Variants in ESRRG observed in about 807,000 individuals in gnomAD.
ESRRG encodes estrogen-related receptor gamma.
ESRRG carries 13 observed loss-of-function variants against 44.0 expected under a neutral mutation model. The observed-to-expected ratio is 0.30, with a 90% CI of 0.19 to 0.47. ESRRG has a LOEUF of 0.47. Ranked by LOEUF, ESRRG falls within the 20% of genes least tolerant of loss-of-function variation. The pLI is 1.00. For missense variants in ESRRG, 395 were observed against 580.6 expected (o/e 0.68, Z 3.29); for synonymous variants, 215 against 214.6 (o/e 1.00, Z -0.02).
intron 2 of ESRRG, among the ~76,000 whole-genome samples, chr1:216,883,751 C>CT (rs1287207595): frequency 1.3e-5 from 2 of 152,164 alleles, no homozygotes; most frequent in African/African-American, 4.8e-5. Context: ...AGGGGCATGC[C>CT]TGTAAGAGCA....
intron 1 of ESRRG, among the ~76,000 whole-genome samples, chr1:217,066,057 C>T (rs567539970): frequency 3.9e-5 from 6 of 152,312 alleles, no homozygotes; most frequent in Non-Finnish European, 8.8e-5. Context: ...TGGACAGTCA[C>T]TCTGAACAGT....
At chr1:216,967,933 A>G (rs2070804417) in intron 1 of ESRRG, among the ~76,000 whole-genome samples, 1 of 152,202 alleles carries the variant, frequency 6.6e-6, no homozygotes, top group Non-Finnish European at 1.5e-5. Flanking sequence ...GATTTTGGCC[A>G]TTCAAATAAG....
intron 1 of ESRRG, among the ~76,000 whole-genome samples, chr1:217,076,242 C>G (rs1048212924): frequency 9.9e-5 from 15 of 152,274 alleles, no homozygotes; most frequent in African/African-American, 2.9e-4. Flanking sequence ...TGCATGCATG[C>G]TGTGTACTGA....
chr1:217,023,009 C>T (rs1292367454), intron 1 of ESRRG, among the ~76,000 whole-genome samples: 1 of 152,128 alleles, frequency 6.6e-6, no homozygotes, highest in Non-Finnish European at 1.5e-5. Context: ...GAAAACTAAT[C>T]TAGTGTAGAG....
chr1:216,565,684 A>G (rs1018203672), intron 4 of ESRRG, among the ~76,000 whole-genome samples: 17 of 152,184 alleles, frequency 1.1e-4, no homozygotes, highest in Non-Finnish European at 1.9e-4. Flanking sequence ...ACAACAGATA[A>G]TATTCTATCA....
intron 1 of ESRRG, among the ~76,000 whole-genome samples, chr1:217,025,139 G>A (rs1442043281): frequency 6.6e-6 from 1 of 152,198 alleles, no homozygotes; most frequent in Non-Finnish European, 1.5e-5. Context: ...AAGTCCCAGA[G>A]TCTACAGCAT....
intron 2 of ESRRG, among the ~76,000 whole-genome samples, chr1:216,935,738 T>C (rs1220177369): frequency 6.6e-6 from 1 of 151,972 alleles, no homozygotes; most frequent in East Asian, 1.9e-4. Context: ...TGCCTCAGCC[T>C]CCCGAGTAGC....
At chr1:216,702,874 T>C (rs1366017306) in intron 1 of ESRRG, among the ~76,000 whole-genome samples, 2 of 151,686 alleles carry the variant, frequency 1.3e-5, no homozygotes, top group Non-Finnish European at 2.9e-5. Flanking sequence ...ATTCTAGTCC[T>C]GTCCATATTC....
chr1:216,756,081 A>G (rs1486358627), intron 2 of ESRRG, among the ~76,000 whole-genome samples: 1 of 152,048 alleles, frequency 6.6e-6, no homozygotes, highest in Admixed American at 6.6e-5. Flanking sequence ...GCCAGATCTT[A>G]AGGAAGCCTG....
At chr1:216,579,454 A>G (rs1352807500) in intron 3 of ESRRG, among the ~76,000 whole-genome samples, 1 of 152,180 alleles carries the variant, frequency 6.6e-6, no homozygotes, top group African/African-American at 2.4e-5. Context: ...GCCAGTGAGG[A>G]AACTGTACAT....
At chr1:216,604,419 CTGTCAA>C (rs1281019105) in intron 3 of ESRRG, among the ~76,000 whole-genome samples, 3 of 152,150 alleles carry the variant, frequency 2.0e-5, no homozygotes, top group Non-Finnish European at 4.4e-5. Flanking sequence ...ACTGTGCCAA[CTGTCAA>C]TGTCAGGGCA....
intron 2 of ESRRG, among the ~76,000 whole-genome samples, chr1:216,674,463 A>G (rs1416267183): frequency 6.6e-6 from 1 of 152,192 alleles, no homozygotes; most frequent in Non-Finnish European, 1.5e-5. Context: ...AGATACAGCT[A>G]TGAAGATGTT....
chr1:216,735,453 C>A (rs989657759), intron 2 of ESRRG, among the ~76,000 whole-genome samples: 3 of 152,014 alleles, frequency 2.0e-5, no homozygotes, highest in African/African-American at 7.3e-5. Flanking sequence ...AGGGATCCTC[C>A]AGCCTCAGCC....
chr1:216,843,347 T>A (rs1279279807), intron 2 of ESRRG, among the ~76,000 whole-genome samples: 1 of 152,084 alleles, frequency 6.6e-6, no homozygotes, highest in African/African-American at 2.4e-5. Flanking sequence ...CTACAAAATA[T>A]TCCATCAGCA....
At chr1:216,854,335 G>A (rs532384408) in intron 2 of ESRRG, among the ~76,000 whole-genome samples, 4 of 114,632 alleles carry the variant, frequency 3.5e-5, no homozygotes, top group Admixed American at 2.5e-4. Flanking sequence ...CCAGCCTGGC[G>A]ACAGAGCAAG....
intron 1 of ESRRG, among the ~76,000 whole-genome samples, chr1:217,087,546 C>T (rs1469947867): frequency 2.0e-5 from 3 of 152,106 alleles, no homozygotes; most frequent in Admixed American, 2.0e-4. Context: ...TCACAAACTC[C>T]CCTGGCTCCC....
chr1:216,607,301 C>G (rs117719267), intron 3 of ESRRG, among the ~76,000 whole-genome samples: 1 of 152,250 alleles, frequency 6.6e-6, no homozygotes, highest in East Asian at 1.9e-4. Context: ...GACAATAGTA[C>G]AGGTTTGACC....
chr1:216,880,779 C>T (rs1188393441), intron 2 of ESRRG, among the ~76,000 whole-genome samples: 1 of 151,982 alleles, frequency 6.6e-6, no homozygotes, highest in African/African-American at 2.4e-5. Context: ...TATGAATCCA[C>T]AAATGAGAAA....
intron 1 of ESRRG, among the ~76,000 whole-genome samples, chr1:216,697,196 C>T (rs568659710): frequency 1.3e-5 from 2 of 152,214 alleles, no homozygotes; most frequent in African/African-American, 4.8e-5. Flanking sequence ...AAACTCCTGA[C>T]CTCAAGTGAT....
Sources: allele counts gnomAD v4.1 joint callset (sites outside exome capture counted in the v4.1 genomes callset), GRCh38; gene constraint gnomAD v4.1.1; transcripts MANE v1.5; gene names NCBI Gene and HGNC (gene_info 2026-07-23, HGNC 2026-07-21).